Variants in SLF2 observed in about 807,000 individuals in gnomAD.
The protein encoded by SLF2 is SMC5/6 complex localization factor 2, also known as SMC5-SMC6 complex localization factor protein 2.
A neutral mutation model predicts 124.3 loss-of-function variants in SLF2; 68 were observed. The ratio of observed to expected loss-of-function variants is 0.55; its 90% CI spans 0.45 to 0.67. The LOEUF is 0.67. Among genes scored for constraint, SLF2 ranks in the 30% least tolerant of loss-of-function variants. The pLI, the probability that SLF2 is intolerant of heterozygous loss-of-function variation, is 0.00. For missense variants in SLF2, 1,246 were observed against 1,373.7 expected (o/e 0.91, Z 1.47); for synonymous variants, 480 against 478.8 (o/e 1.00, Z -0.03).
intron 12 of SLF2, among the ~76,000 whole-genome samples, chr10:100,944,867 A>G (rs182787915): frequency 3.9e-5 from 6 of 152,242 alleles, no homozygotes; most frequent in Admixed American, 6.5e-5. Context: ...TCTACTAAAA[A>G]TACAAAAAAA....
chr10:100,958,748 A>G (rs1299050129), intron 18 of SLF2, among the ~76,000 whole-genome samples: 1 of 152,240 alleles, frequency 6.6e-6, no homozygotes, highest in Non-Finnish European at 1.5e-5. Context: ...TAAAGCTGCT[A>G]TAAAATTCCT....
chr10:100,944,455 A>G (rs1850058029), intron 12 of SLF2, among the ~76,000 whole-genome samples: 1 of 144,372 alleles, frequency 6.9e-6, no homozygotes, highest in Non-Finnish European at 1.5e-5. Flanking sequence ...GGATCGTGCC[A>G]CTGCACTCTA....
rs780532723 is a variant in SLF2 at position 100,950,766 on chromosome 10, T to C, written c.3330+13T>C. ...TTCTGGACAACGGGTAGGTAGTGTT[T>C]AGTGTTGTTGCTGCTGTTTTTAAAT... On this transcript the variant is annotated intron_variant, in intron 17 of 19. Transcript: ENST00000238961. 2.5e-6 allele frequency: 4 copies of C among 1,608,112 alleles called. No homozygotes were observed. Among genetic ancestry groups the C allele is most frequent in the Non-Finnish European group, 3.4e-6 (4 of 1,174,596 alleles).
At chr10:100,928,565 A>G (rs1025245340) in intron 6 of SLF2, among the ~76,000 whole-genome samples, 7 of 152,170 alleles carry the variant, frequency 4.6e-5, no homozygotes, top group Admixed American at 3.9e-4. Flanking sequence ...CCTCAGCTGT[A>G]CTTATCCACT....
rs1443332996 is a variant in SLF2 at position 100,925,985 on chromosome 10, G to C, written c.2008G>C (p.Glu670Gln). ...VHPGTYTNTL[E>Q]RLVKEMEDTQ... ...TCCTGGAACTTACACAAATACCTTA[G>C]AACGTCTAGTGAAGGAAATGGAAGA... is the stretch of plus-strand genomic sequence containing the variant. The change falls in exon 6 of 20, where the codon GAA becomes CAA. Residue 670 changes from glutamate to glutamine, a missense_variant. Glu to Gln is a conservative substitution (Grantham distance 29). This residue lies in a region of SLF2 where 535 missense variants were observed against 632.8 expected (regional missense o/e 0.85). Transcript: ENST00000238961. 3.7e-6 allele frequency: 6 copies of C among 1,611,934 alleles called. No individual in the cohort carries two copies. The highest frequency in any genetic ancestry group is 4.2e-6 in the Non-Finnish European group (5 of 1,178,946).
At position 100,961,894 on chromosome 10, in the gene SLF2, C is replaced by T. The variant is rs1850432764; in HGVS notation, c.3504C>T (p.Phe1168=). The T allele has an allele frequency of 6.2e-7, 1 of 1,608,364 alleles. No individual in the cohort carries two copies. Among genetic ancestry groups the T allele is most frequent in the Non-Finnish European group, 8.5e-7 (1 of 1,176,010 alleles). Residue 1168 remains phenylalanine (F), a synonymous_variant, in exon 20 of 20, where the codon TTC becomes TTT. Transcript: ENST00000238961. The stretch of plus-strand genomic sequence containing the variant: ...TTTTTTAGGGGCAGCTTCATGACTT[C>T]TGGGTACCAGATTCTTAATAGGAGT... ...CRPTQGQLHD[F]WVPDS
intron 9 of SLF2, among the ~76,000 whole-genome samples, chr10:100,937,124 C>T (rs1589955504): frequency 6.6e-6 from 1 of 152,036 alleles, no homozygotes; most frequent in African/African-American, 2.4e-5. Flanking sequence ...CAACCTCCAC[C>T]TCCTGGTCTC....
intron 1 of SLF2, chr10:100,913,467 C>T (rs1849360006): frequency 1.1e-5 from 15 of 1,309,602 alleles, no homozygotes; most frequent in Non-Finnish European, 1.5e-5. Context: ...GTCTAGTGAC[C>T]ACCAGCCTGG....
intron 11 of SLF2, among the ~76,000 whole-genome samples, chr10:100,942,133 T>C (rs1849993217): frequency 1.3e-5 from 2 of 152,166 alleles, no homozygotes; most frequent in African/African-American, 4.8e-5. Context: ...AGACACCAAC[T>C]AGATGTCCTG....
At chr10:100,950,782 G>A (rs1850196566) in intron 17 of SLF2, 29 bp downstream of exon 17, 2 of 1,558,126 alleles carry the variant, frequency 1.3e-6, no homozygotes, top group African/African-American at 1.4e-5. Context: ...TGTTGCTGCT[G>A]TTTTTAAATA....
At chr10:100,937,507 G>A (rs372608475) in intron 10 of SLF2, 30 bp downstream of exon 10, 27 of 1,303,794 alleles carry the variant, frequency 2.1e-5, no homozygotes, top group Middle Eastern at 2.1e-4. Context: ...AAGATTTACC[G>A]TGTGTATTAT....
At chr10:100,926,366 G>A (rs1849614734) in intron 6 of SLF2, 2 of 1,215,338 alleles carry the variant, frequency 1.6e-6, no homozygotes, top group African/African-American at 3.1e-5. Context: ...TACTTTAGGA[G>A]GCCAAAGCAG....
At chr10:100,944,646 T>C (rs745394144) in intron 12 of SLF2, among the ~76,000 whole-genome samples, 10 of 152,224 alleles carry the variant, frequency 6.6e-5, no homozygotes, top group Non-Finnish European at 1.0e-4. Flanking sequence ...GTCAGTTACA[T>C]CATTAAATAG....
chr10:100,913,977 CCTTAT>C, intron 1 of SLF2: 5 of 748,918 alleles, frequency 6.7e-6, no homozygotes, highest in Non-Finnish European at 8.1e-6. Context: ...GCCCACAATC[CCTTAT>C]CTTAACTCTG....
intron 1 of SLF2, chr10:100,913,497 C>T (rs1249080117): frequency 7.9e-7 from 1 of 1,258,486 alleles, no homozygotes; most frequent in Non-Finnish European, 1.0e-6. Context: ...GAGAACCCGC[C>T]TTAGGTAGAA....
chr10:100,942,178 G>A (rs145697652), intron 11 of SLF2, among the ~76,000 whole-genome samples: 165 of 152,058 alleles, frequency 1.1e-3, no homozygotes, highest in African/African-American at 3.6e-3. Context: ...ATTACCCAGA[G>A]TTAGCACAGA....
At chr10:100,930,338 T>A (rs1203996282) in intron 8 of SLF2, among the ~76,000 whole-genome samples, 1 of 152,226 alleles carries the variant, frequency 6.6e-6, no homozygotes, top group Non-Finnish European at 1.5e-5. Context: ...TAATCTTTCT[T>A]CTCCACCATT....
At chr10:100,933,788 T>C (rs2133789559) in intron 9 of SLF2, among the ~76,000 whole-genome samples, 1 of 152,280 alleles carries the variant, frequency 6.6e-6, no homozygotes, top group East Asian at 1.9e-4. Context: ...CAAGCAATTC[T>C]CCTGCTCAGC....
At chr10:100,925,871 G>C (rs751938546) in intron 5 of SLF2, 78 bp from the exon 6 acceptor site, 1 of 1,348,354 alleles carries the variant, frequency 7.4e-7, no homozygotes, top group African/African-American at 1.5e-5. Context: ...ATAGTCTTTC[G>C]TACCCTTAAT....
Sources: gnomAD v4.1 joint callset for allele counts (sites outside exome capture counted in the v4.1 genomes callset) on GRCh38, gnomAD v4.1.1 for gene constraint, gnomAD v4.1.1 regional missense constraint, MANE v1.5 for transcripts, NCBI Gene and HGNC (gene_info 2026-07-23, HGNC 2026-07-21) for gene names.